Variants in CHUK observed in about 807,000 individuals in gnomAD.
CHUK encodes component of inhibitor of nuclear factor kappa B kinase complex, also known as inhibitor of nuclear factor kappa-B kinase subunit alpha.
A neutral mutation model predicts 104.8 loss-of-function variants in CHUK; 35 were observed. That is an observed-to-expected ratio of 0.33 (90% CI 0.26 to 0.44). The LOEUF (loss-of-function observed/expected upper bound fraction) is 0.44. Ranked by LOEUF, CHUK falls within the 20% of genes least tolerant of loss-of-function variation. CHUK has a pLI of 1.00. For synonymous variants in CHUK, 276 were observed against 291.9 expected, an observed-to-expected ratio of 0.95 and a Z score of 0.56; for missense variants, 663 against 902.7, an observed-to-expected ratio of 0.73 and a Z score of 3.40.
rs536385382 is a variant in CHUK at position 100,226,254 on chromosome 10, G to A, written c.106-237C>T. ...ATACAAGGGAAAAGTGCCTGAAACT[G>A]ATTTTATAACAGGTCTTTTCAGAAC... On this transcript the variant is annotated intron_variant, in intron 1 of 20. Coordinates refer to ENST00000370397, the MANE Select transcript of CHUK (RefSeq NM_001278.5). Among the ~76,000 whole-genome samples the A allele has an allele frequency of 6.2e-4, 95 of 152,102 alleles. No homozygotes were observed. The South Asian group carries it at 0.019, about 31-fold the overall frequency.
intron 10 of CHUK, among the ~76,000 whole-genome samples, chr10:100,209,098 GTCT>G (rs1463550207): frequency 2.0e-5 from 3 of 152,170 alleles, no homozygotes; most frequent in African/African-American, 7.2e-5. Context: ...CCAGAGGAAT[GTCT>G]TCAAGACTCA....
intron 2 of CHUK, 106 bp from the exon 3 acceptor site, chr10:100,223,086 TCA>T (rs1846027755): frequency 7.8e-6 from 5 of 641,716 alleles, no homozygotes; most frequent in Non-Finnish European, 1.1e-5. Flanking sequence ...GGGGGAAAGA[TCA>T]GTATTATTTA....
intron 1 of CHUK, among the ~76,000 whole-genome samples, chr10:100,226,946 GAGA>G (rs1172490759): frequency 6.6e-6 from 1 of 152,200 alleles, no homozygotes; most frequent in Non-Finnish European, 1.5e-5. Flanking sequence ...CTGGTGCATA[GAGA>G]AGAAGGAAAC....
At chr10:100,209,900 C>T (rs948095838) in intron 9 of CHUK, 111 bp from the exon 10 acceptor site, 2 of 614,582 alleles carry the variant, frequency 3.3e-6, no homozygotes, top group Admixed American at 5.5e-5. Context: ...CTACATTAAA[C>T]AAGGCTCACT....
At position 100,222,179 on chromosome 10, in the gene CHUK, C is replaced by G. The variant is rs759684523; in HGVS notation, c.318G>C (p.Leu106=). 2 of 1,591,644 alleles carry G rather than the reference C, an allele frequency of 1.3e-6. No individual in the cohort carries two copies. Among genetic ancestry groups the G allele is most frequent in the African/African-American group, 1.3e-5 (1 of 74,598 alleles). ...EYCSGGDLRK[L]LNKPENCCGL... ...CACAACAATTTTCTGGTTTGTTGAG[C>G]AGCTAAAAAAAGAAAGAAATCTAAA... The change falls in exon 4 of 21, where the codon CTG becomes CTC. Residue 106 remains leucine (L), a splice_region_variant and synonymous_variant. Transcript: ENST00000370397.
chr10:100,215,169 A>G, intron 9 of CHUK, among the ~76,000 whole-genome samples: 1 of 137,612 alleles, frequency 7.3e-6, no homozygotes, highest in African/African-American at 2.8e-5. Context: ...CAGGAGGTGT[A>G]GGTTGCAGTG....
intron 18 of CHUK, 50 bp downstream of exon 18, chr10:100,193,933 GA>G: frequency 6.5e-7 from 1 of 1,539,880 alleles, no homozygotes; most frequent in Non-Finnish European, 9.0e-7. Flanking sequence ...CCTTTGCAAG[GA>G]ATAATAGCAA....
intron 17 of CHUK, 92 bp from the exon 18 acceptor site, chr10:100,194,223 C>A: frequency 7.1e-7 from 1 of 1,407,862 alleles, no homozygotes; most frequent in Admixed American, 1.7e-5. Flanking sequence ...GAACCACAAT[C>A]AGCATCAGAT....
downstream of CHUK, chr10:100,187,634 A>G (rs1037681770): frequency 6.6e-6 from 1 of 152,216 alleles, no homozygotes; most frequent in African/African-American, 2.4e-5. Context: ...CCACCAAAAA[A>G]TAGTGGTCCA....
intron 19 of CHUK, among the ~76,000 whole-genome samples, chr10:100,191,580 C>T (rs1305418335): frequency 2.0e-5 from 3 of 152,210 alleles, no homozygotes; most frequent in Non-Finnish European, 4.4e-5. Flanking sequence ...TATTTGAAGG[C>T]AGTCCTGATT....
At position 100,229,544 on chromosome 10, in the gene CHUK, G is replaced by A. The variant is rs1304346465; in HGVS notation, c.-12C>T. The A allele has an allele frequency of 4.0e-6, 6 of 1,511,786 alleles. No homozygotes were observed. In the African/African-American group the frequency reaches 5.5e-5, roughly 14 times the overall value. 93.6% of individuals were successfully genotyped at this position (1,511,786 alleles called of 1,614,324 possible). ...GGGGGCCGCTCCATGGGGCGGGAGG[G>A]CAAGCGGCCTCAGGTTCCACAGTTG... On this transcript the variant is annotated 5_prime_UTR_variant, in exon 1 of 21. Transcript: ENST00000370397.
chr10:100,191,565 G>A (rs1845204377), intron 19 of CHUK, among the ~76,000 whole-genome samples: 1 of 152,210 alleles, frequency 6.6e-6, no homozygotes, highest in African/African-American at 2.4e-5. Flanking sequence ...ATCCCTGGAA[G>A]TTCATATTTG....
At chr10:100,197,434 TC>T (rs1338764513) in intron 16 of CHUK, among the ~76,000 whole-genome samples, 1 of 152,122 alleles carries the variant, frequency 6.6e-6, no homozygotes, top group Non-Finnish European at 1.5e-5. Flanking sequence ...GATAAGCAGT[TC>T]TCAAACTTTT....
Position 100,226,014 on chromosome 10 carries a change from G to A in CHUK, c.109C>T (p.Leu37Phe). Residue 37 changes from leucine (L) to phenylalanine (F), a missense_variant, in exon 2 of 21, where the codon CTT becomes TTT. Physicochemically the swap from Leu to Phe is conservative, Grantham distance 22. Around this residue, in one of 5 missense-constraint regions of CHUK, gnomAD observed 200 missense variants for 333.0 expected, o/e 0.60. Transcript: ENST00000370397. ...GNVCLYQHRE[L>F]DLKIAIKSCR... ...GACTTAATTGCTATTTTGAGATCAA[G>A]TTCCTGCCAAAATAGAAAATCAACA... 6.3e-7 allele frequency: 1 copy of A among 1,581,612 alleles called. No individual in the cohort carries two copies. Among genetic ancestry groups the A allele is most frequent in the Middle Eastern group, 1.7e-4 (1 of 6,000 alleles).
At chr10:100,205,290 CCACA>C in intron 11 of CHUK, 91 bp from the exon 12 acceptor site, 2 of 1,320,980 alleles carry the variant, frequency 1.5e-6, no homozygotes, top group Middle Eastern at 3.7e-4. Flanking sequence ...GATTTCCTGT[CCACA>C]CAAACAGGAT....
rs555866687 is a variant in CHUK, at chr10:100,217,648, G to A, written c.933+347C>T. ...TAATCCCACTTTGGGAGGTGGAGGC[G>A]GGCAGATCACCTGAGGTCAGGAGTG... On this transcript the variant is annotated intron_variant, in intron 9 of 20. Transcript: ENST00000370397. Among the ~76,000 whole-genome samples the A allele has an allele frequency of 3.9e-5, 6 of 152,342 alleles. No homozygotes were observed. In the East Asian group the frequency reaches 7.7e-4, roughly 20 times the overall value.
chr10:100,192,828 A>G (rs1483412600), intron 19 of CHUK: 1 of 729,460 alleles, frequency 1.4e-6, no homozygotes. Flanking sequence ...TTAGAAATAC[A>G]AAGTTATAAA....
At chr10:100,209,088 C>T (rs1176603887) in intron 10 of CHUK, among the ~76,000 whole-genome samples, 2 of 152,100 alleles carry the variant, frequency 1.3e-5, no homozygotes, top group African/African-American at 2.4e-5. Flanking sequence ...TACTGAGGCT[C>T]CAGAGGAATG....
At chr10:100,201,214 T>TG (rs1405234496) in intron 14 of CHUK, among the ~76,000 whole-genome samples, 6 of 151,878 alleles carry the variant, frequency 4.0e-5, no homozygotes, top group African/African-American at 1.5e-4. Context: ...CAGGACACCA[T>TG]GGGTATCCCC....
Sources: gnomAD v4.1 joint callset for allele counts (sites outside exome capture counted in the v4.1 genomes callset) on GRCh38, gnomAD v4.1.1 for gene constraint, gnomAD v4.1.1 regional missense constraint, MANE v1.5 for transcripts, NCBI Gene and HGNC (gene_info 2026-07-23, HGNC 2026-07-21) for gene names.